ST14: variants seen among roughly 807,000 people sequenced by gnomAD.
ST14 encodes the protein suppressor of tumorigenicity 14 protein.
A neutral mutation model predicts 96.5 loss-of-function variants in ST14; 40 were observed. The observed-to-expected ratio is 0.41, with a 90% confidence interval of 0.32 to 0.54. The LOEUF (loss-of-function observed/expected upper bound fraction) is 0.54, where lower values mean the gene tolerates loss of function less well. Among genes scored for constraint, ST14 ranks in the 20% least tolerant of loss-of-function variants. ST14 has a pLI of 0.17. For missense variants in ST14, 1,066 were observed against 1,188.9 expected (o/e 0.90, Z 1.52); for synonymous variants, 506 against 492.1 (o/e 1.03, Z -0.37).
At chr11:130,164,983 C>T (rs954269825) in intron 1 of ST14, among the ~76,000 whole-genome samples, 1 of 152,086 alleles carries the variant, frequency 6.6e-6, no homozygotes, top group Non-Finnish European at 1.5e-5. Flanking sequence ...GTGATCTGCC[C>T]ACCTCGGCCT....
chr11:130,188,096 G>C lies in ST14; in HGVS notation c.82-18G>C. On this transcript the variant is annotated intron_variant, in intron 1 of 18. Transcript: ENST00000278742. The surrounding 1 kb of genome is among the most constrained non-coding windows in gnomAD (Gnocchi z 5.4). ...AGCGGGTGAGAGGGTCTGAGTGGTG[G>C]CGCCTCTCTCCCTGCAGAAAGTGAA... 6.2e-7 allele frequency: 1 copy of C among 1,613,822 alleles called. No individual in the cohort carries two copies. The highest frequency in any genetic ancestry group is 1.7e-5 in the Admixed American group (1 of 59,998).
chr11:130,195,647 G>A (rs1953352807), intron 9 of ST14, among the ~76,000 whole-genome samples: 1 of 151,746 alleles, frequency 6.6e-6, no homozygotes. Flanking sequence ...GAGGTCAGGA[G>A]TTCGAGACCA....
intron 1 of ST14, among the ~76,000 whole-genome samples, chr11:130,180,695 A>G (rs906403615): frequency 6.6e-6 from 1 of 152,230 alleles, no homozygotes; most frequent in Non-Finnish European, 1.5e-5. Context: ...TGACTCACAC[A>G]GAGTTTTGTT....
intron 1 of ST14, among the ~76,000 whole-genome samples, chr11:130,175,822 T>C (rs868421182): frequency 5.9e-5 from 9 of 151,848 alleles, no homozygotes; most frequent in Admixed American, 2.0e-4. Flanking sequence ...TGCCACCACA[T>C]CCAGCTAATT....
chr11:130,209,935 A>T lies in ST14; in HGVS notation c.*112A>T, dbSNP rs1953534855. 7.6e-6 allele frequency: 10 copies of T among 1,313,078 alleles called. No homozygotes were observed. The highest frequency in any genetic ancestry group is 9.5e-6 in the Non-Finnish European group (9 of 947,894). 81.3% of individuals were successfully genotyped at this position (1,313,078 alleles called of 1,614,324 possible). A position where few individuals can be genotyped will look rare whatever the true frequency, so the allele number is the denominator to read the frequency against. ...CTGACTGCACCAGCGCCCCCAGAACATACACTGTGAACTCAATCTCCAGGG... is the reference window on the plus strand; with the variant it reads ...CTGACTGCACCAGCGCCCCCAGAACTTACACTGTGAACTCAATCTCCAGGG... On this transcript the variant is annotated 3_prime_UTR_variant, in exon 19 of 19. Transcript: ENST00000278742.
At chr11:130,206,581 T>G (rs1953492274) in intron 16 of ST14, among the ~76,000 whole-genome samples, 2 of 151,666 alleles carry the variant, frequency 1.3e-5, no homozygotes, top group African/African-American at 4.9e-5. Flanking sequence ...TTTTTTTTCT[T>G]TTTTGAGGTG....
At position 130,187,394 on chromosome 11, in the gene ST14, G is replaced by A. The variant is rs1304516511; in HGVS notation, c.82-720G>A. On this transcript the variant is annotated intron_variant, in intron 1 of 18. Transcript: ENST00000278742. This position sits in a 1 kb window ranked among gnomAD's most constrained non-coding sequence, Gnocchi z 4.5. The stretch of plus-strand genomic sequence containing the variant: ...CGGGGAAGTTGCCATCCTGTCTTTT[G>A]GGCGTTTGGTTTGCTTGCTTTTCCC... 6.6e-6 allele frequency among the ~76,000 whole-genome samples: 1 copy of A among 152,194 alleles called. No individual in the cohort carries two copies.
intron 7 of ST14, among the ~76,000 whole-genome samples, chr11:130,191,778 T>C (rs142215007): frequency 6.6e-6 from 1 of 151,964 alleles, no homozygotes; most frequent in Admixed American, 6.6e-5. Flanking sequence ...ACTGGCTTGT[T>C]TGAATAATTT....
intron 17 of ST14, 22 bp downstream of exon 17, chr11:130,208,706 G>T: frequency 6.2e-7 from 1 of 1,606,640 alleles, no homozygotes. Flanking sequence ...GCTGACCTAG[G>T]GCTCCGCAGA....
intron 7 of ST14, among the ~76,000 whole-genome samples, chr11:130,192,838 G>GT (rs748477172): frequency 2.0e-5 from 3 of 152,160 alleles, no homozygotes; most frequent in Non-Finnish European, 2.9e-5. Context: ...CTCTCTCAGG[G>GT]TTTTTATAAG....
rs1169117372 is a variant in ST14 at position 130,199,064 on chromosome 11, A to G, written c.1802A>G (p.Asp601Gly). ...EDCSDGSDEKDCDCGLRSFTR... is the reference protein window; with the variant it reads ...EDCSDGSDEKGCDCGLRSFTR... ...TGTAGCGACGGCTCAGATGAGAAGGACTGCGGTGAGCAGGGCATCCGAGTA... is the reference window on the plus strand; with the variant it reads ...TGTAGCGACGGCTCAGATGAGAAGGGCTGCGGTGAGCAGGGCATCCGAGTA... Residue 601 changes from aspartate (D) to glycine (G), a missense_variant, in exon 15 of 19, where the codon GAC becomes GGC. By Grantham distance (94) the Asp-to-Gly change is moderately conservative. Transcript: ENST00000278742. The G allele has an allele frequency of 1.2e-6, 2 of 1,613,442 alleles. No homozygotes were observed. Among genetic ancestry groups the G allele is most frequent in the African/African-American group, 2.7e-5 (2 of 74,906 alleles).
chr11:130,178,532 C>T (rs1048828590), intron 1 of ST14, among the ~76,000 whole-genome samples: 1 of 152,206 alleles, frequency 6.6e-6, no homozygotes, highest in African/African-American at 2.4e-5. Context: ...CAGGAGCTGG[C>T]TGCTCCCTGG....
chr11:130,183,744 T>A (rs76382599), intron 1 of ST14, among the ~76,000 whole-genome samples: 5,320 of 152,310 alleles, frequency 0.035, 229 homozygotes, highest in African/African-American at 0.1. Context: ...AAGTATTTCA[T>A]ATTTTTGAAG....
chr11:130,188,436 C>T lies in ST14; in HGVS notation c.242-94C>T. On this transcript the variant is annotated intron_variant, in intron 2 of 18. Coordinates refer to ENST00000278742, the MANE Select transcript of ST14 (RefSeq NM_021978.4). The surrounding 1 kb of genome is among the most constrained non-coding windows in gnomAD (Gnocchi z 5.4). Reference sequence around the variant, plus strand: ...GGAAGCAGTCAGGGCTGACCCATGGCCCCCTCCTGGCATTCATTCCCCATT... The same window carrying T: ...GGAAGCAGTCAGGGCTGACCCATGGTCCCCTCCTGGCATTCATTCCCCATT... 3 of 1,603,320 alleles carry T rather than the reference C, an allele frequency of 1.9e-6. No individual in the cohort carries two copies. The highest frequency in any genetic ancestry group is 2.6e-6 in the Non-Finnish European group (3 of 1,175,502).
At chr11:130,197,080 C>CATGA in intron 11 of ST14, among the ~76,000 whole-genome samples, 1 of 152,332 alleles carries the variant, frequency 6.6e-6, no homozygotes, top group East Asian at 1.9e-4. Context: ...TTCTGAGACA[C>CATGA]ATGAGGAAGT....
chr11:130,196,265 C>A, intron 9 of ST14, 74 bp from the exon 10 acceptor site: 5 of 1,206,408 alleles, frequency 4.1e-6, no homozygotes, highest in African/African-American at 1.5e-5. Context: ...CATGCCGCTG[C>A]CTCCCTTTGA....
In ST14 at chr11:130,209,814, T is replaced by C; in HGVS notation, c.2559T>C (p.Thr853=). The C allele has an allele frequency of 6.2e-7, 1 of 1,613,862 alleles. No homozygotes were observed. Among genetic ancestry groups the C allele is most frequent in the East Asian group, 2.2e-5 (1 of 44,882 alleles). The change falls in exon 19 of 19, where the codon ACT becomes ACC. Residue 853 remains threonine, a synonymous_variant. Coordinates refer to ENST00000278742, the MANE Select transcript of ST14 (RefSeq NM_021978.4). ...PLFRDWIKEN[T]GV is the part of the protein sequence containing the mutation. ...TTCGGGACTGGATCAAAGAGAACAC[T>C]GGGGTATAGGGGCCGGGGCCACCCA...
At chr11:130,164,302 T>C (rs1181334783) in intron 1 of ST14, among the ~76,000 whole-genome samples, 1 of 152,226 alleles carries the variant, frequency 6.6e-6, no homozygotes, top group Non-Finnish European at 1.5e-5. Flanking sequence ...CCTGCCAAGC[T>C]TCATTGAACT....
At position 130,188,500 on chromosome 11, in the gene ST14, C is replaced by T. The variant is rs1953261177; in HGVS notation, c.242-30C>T. ...GACAGGCGGGGGTGGTACCACCTCC[C>T]CTGACTGAGCGCCTTCTGGTCTCAC... On this transcript the variant is annotated intron_variant, in intron 2 of 18. Coordinates refer to ENST00000278742, the MANE Select transcript of ST14 (RefSeq NM_021978.4). The surrounding 1 kb of genome is among the most constrained non-coding windows in gnomAD (Gnocchi z 5.4). 6.2e-7 allele frequency: 1 copy of T among 1,611,452 alleles called. No homozygotes were observed. Among genetic ancestry groups the T allele is most frequent in the African/African-American group, 1.3e-5 (1 of 74,934 alleles).
Sources: allele counts gnomAD v4.1 joint callset (sites outside exome capture counted in the v4.1 genomes callset), GRCh38; gene constraint gnomAD v4.1.1; non-coding constraint Gnocchi (gnomAD v3.1); transcripts MANE v1.5; gene names NCBI Gene and HGNC (gene_info 2026-07-23, HGNC 2026-07-21).